BICDL1: variants seen among roughly 807,000 people sequenced by gnomAD.
BICDL1 encodes BICD family like cargo adaptor 1.
BICDL1 carries 20 observed loss-of-function variants against 76.8 expected under a neutral mutation model. The observed-to-expected ratio is 0.26, with a 90% CI of 0.18 to 0.38. The LOEUF (loss-of-function observed/expected upper bound fraction) is 0.38. Among genes scored for constraint, BICDL1 ranks in the 10% least tolerant of loss-of-function variants. The pLI, the probability that BICDL1 is intolerant of heterozygous loss-of-function variation, is 1.00. For synonymous variants in BICDL1, 383 were observed against 337.1 expected (o/e 1.14, Z -1.49); for missense variants, 700 against 798.6 (o/e 0.88, Z 1.49).
At chr12:120,089,651 G>C (rs1443131376) in intron 8 of BICDL1, among the ~76,000 whole-genome samples, 1 of 152,170 alleles carries the variant, frequency 6.6e-6, no homozygotes, top group African/African-American at 2.4e-5. Flanking sequence ...CAAAGTGCTG[G>C]GATTACAGGC....
At chr12:120,075,025 C>T (rs1028775826) in intron 7 of BICDL1, among the ~76,000 whole-genome samples, 1 of 152,234 alleles carries the variant, frequency 6.6e-6, no homozygotes, top group Non-Finnish European at 1.5e-5. Context: ...GAAGAACTTA[C>T]TGCTACCCTT....
chr12:120,064,994 A>T, intron 4 of BICDL1, 115 bp downstream of exon 4: 1 of 1,230,764 alleles, frequency 8.1e-7, no homozygotes. Flanking sequence ...GGAGTGGATG[A>T]TGCTGAGGTC....
intron 1 of BICDL1, among the ~76,000 whole-genome samples, chr12:119,991,257 T>C (rs1951516933): frequency 6.6e-6 from 1 of 152,250 alleles, no homozygotes; most frequent in Non-Finnish European, 1.5e-5. Context: ...TTTTCATTCT[T>C]AGTTACAGCA....
intron 2 of BICDL1, among the ~76,000 whole-genome samples, chr12:120,003,986 T>A (rs1951807666): frequency 6.6e-6 from 1 of 152,200 alleles, no homozygotes; most frequent in Non-Finnish European, 1.5e-5. Context: ...TCATCTCATC[T>A]GTTCTCATGC....
rs1952720745 is a variant in BICDL1 at position 120,045,153 on chromosome 12, A to G, written c.646-16557A>G. ...CAAAAGAAGACATTTATGCAGCCAAAAAACACATGAAAAAATGCTCACCAT... is the reference window on the plus strand; with the variant it reads ...CAAAAGAAGACATTTATGCAGCCAAGAAACACATGAAAAAATGCTCACCAT... On this transcript the variant is annotated intron_variant, in intron 2 of 9. Coordinates refer to ENST00000548673, the MANE Select transcript of BICDL1 (RefSeq NM_001367886.1). Among the ~76,000 whole-genome samples, 4 of 152,334 alleles carry G rather than the reference A, an allele frequency of 2.6e-5. No homozygotes were observed. In the South Asian group the frequency reaches 8.3e-4, roughly 32 times the overall value.
Position 119,990,709 on chromosome 12 carries a change from G to C in BICDL1, c.429+412G>C, listed in dbSNP as rs12319109. Among the ~76,000 whole-genome samples the C allele has an allele frequency of 2.3e-3, 352 of 152,320 alleles. 1 individual carries two copies. Among genetic ancestry groups the C allele is most frequent in the African/African-American group, 8.3e-3 (347 of 41,572 alleles). ...TGTTAGCCTAAAGCCTTCCAGTTTG[G>C]GCGTTAAGGCCTTTAGATGCCCTTG... On this transcript the variant is annotated intron_variant, in intron 1 of 9. Transcript: ENST00000548673.
intron 2 of BICDL1, among the ~76,000 whole-genome samples, chr12:120,018,635 T>C (rs1012242427): frequency 6.6e-6 from 1 of 152,190 alleles, no homozygotes; most frequent in African/African-American, 2.4e-5. Context: ...GTTGTGTTGG[T>C]TGATGTTCAG....
At chr12:119,996,106 A>G (rs1331456423) in intron 1 of BICDL1, among the ~76,000 whole-genome samples, 2 of 152,158 alleles carry the variant, frequency 1.3e-5, no homozygotes, top group Admixed American at 1.3e-4. Context: ...CATTGCCCCA[A>G]ACAGACTGTA....
In BICDL1 at chr12:120,072,563, A is replaced by G; in HGVS notation, c.1142A>G (p.His381Arg). The G allele has an allele frequency of 6.2e-7, 1 of 1,614,144 alleles. No homozygotes were observed. Among genetic ancestry groups the G allele is most frequent in the Non-Finnish European group, 8.5e-7 (1 of 1,180,018 alleles). ...TGCCAGGTTCGCTATCTGTGCTCAC[A>G]CCTTCGAGGCAATGACAGTGCTGAC... ...AYCQVRYLCSHLRGNDSADSA... is the reference protein window; with the variant it reads ...AYCQVRYLCSRLRGNDSADSA... Residue 381 changes from histidine (H) to arginine (R), a missense_variant, in exon 6 of 10, where the codon CAC (histidine) becomes CGC (arginine). His to Arg is a conservative substitution (Grantham distance 29). Transcript: ENST00000548673.
In BICDL1 at chr12:120,002,500, A is replaced by T. The variant is rs149972030; in HGVS notation, c.645+3764A>T. 4.4e-3 allele frequency among the ~76,000 whole-genome samples: 677 copies of T among 152,328 alleles called. 7 individuals are homozygous for T. Among genetic ancestry groups the T allele is most frequent in the African/African-American group, 0.015 (644 of 41,566 alleles). On this transcript the variant is annotated intron_variant, in intron 2 of 9. Coordinates refer to ENST00000548673, the MANE Select transcript of BICDL1 (RefSeq NM_001367886.1). ...AGATACATAAGCCTTTGGCCATATGACTAAGAGCTGCCATGGTTCATGGGA... is the reference window on the plus strand; with the variant it reads ...AGATACATAAGCCTTTGGCCATATGTCTAAGAGCTGCCATGGTTCATGGGA...
chr12:120,024,823 T>TTTGTTG (rs142436978), intron 2 of BICDL1, among the ~76,000 whole-genome samples: 4 of 150,720 alleles, frequency 2.7e-5, no homozygotes, highest in East Asian at 2.0e-4. Flanking sequence ...CACCTGGCAT[T>TTTGTTG]TTGTTGTTGT....
At chr12:120,003,924 C>T (rs1951806735) in intron 2 of BICDL1, among the ~76,000 whole-genome samples, 1 of 152,104 alleles carries the variant, frequency 6.6e-6, no homozygotes, top group South Asian at 2.1e-4. Context: ...GCTTTCCTGT[C>T]CTTCTTGGGA....
At chr12:120,060,274 T>A (rs1953075976) in intron 2 of BICDL1, among the ~76,000 whole-genome samples, 1 of 152,192 alleles carries the variant, frequency 6.6e-6, no homozygotes, top group South Asian at 2.1e-4. Flanking sequence ...AAATTTAGAA[T>A]ACGAAGGAGA....
intron 8 of BICDL1, among the ~76,000 whole-genome samples, chr12:120,085,545 G>A (rs1049093660): frequency 2.0e-5 from 3 of 152,110 alleles, no homozygotes; most frequent in Non-Finnish European, 4.4e-5. Context: ...GCCAGGCAAG[G>A]GCGCCTGTAA....
intron 2 of BICDL1, among the ~76,000 whole-genome samples, chr12:120,007,698 GTTC>G (rs1357410974): frequency 1.3e-5 from 2 of 152,276 alleles, no homozygotes; most frequent in African/African-American, 4.8e-5. Flanking sequence ...ACAGATCCTT[GTTC>G]TTTAAACAGC....
intron 7 of BICDL1, chr12:120,080,672 C>T: frequency 2.3e-6 from 1 of 429,564 alleles, no homozygotes; most frequent in East Asian, 4.2e-5. Context: ...CCCCCAGCTC[C>T]CTTGCTGCCG....
At chr12:120,048,137 T>C (rs896835169) in intron 2 of BICDL1, among the ~76,000 whole-genome samples, 1 of 152,194 alleles carries the variant, frequency 6.6e-6, no homozygotes, top group Non-Finnish European at 1.5e-5. Flanking sequence ...AACACAGTTT[T>C]TTTTCTTTCA....
intron 2 of BICDL1, among the ~76,000 whole-genome samples, chr12:120,022,132 C>T (rs141175805): frequency 7.9e-5 from 12 of 150,998 alleles, no homozygotes; most frequent in Non-Finnish European, 1.5e-4. Context: ...GTTTGTCAGC[C>T]TCTGGGTTGG....
At chr12:120,010,283 T>C (rs1951927048) in intron 2 of BICDL1, among the ~76,000 whole-genome samples, 1 of 152,262 alleles carries the variant, frequency 6.6e-6, no homozygotes, top group Non-Finnish European at 1.5e-5. Context: ...TAAAATCAAC[T>C]AAATTCACAA....
Sources: allele counts gnomAD v4.1 joint callset (sites outside exome capture counted in the v4.1 genomes callset), GRCh38; gene constraint gnomAD v4.1.1; transcripts MANE v1.5; gene names NCBI Gene and HGNC (gene_info 2026-07-23, HGNC 2026-07-21).